Variants in HERC1 observed in about 807,000 individuals in gnomAD.
HERC1 encodes HECT and RLD domain containing E3 ubiquitin protein ligase family member 1, also known as probable E3 ubiquitin-protein ligase HERC1.
In HERC1, 160 loss-of-function variants were observed where a neutral mutation model predicts 554.3. The ratio of observed to expected loss-of-function variants is 0.29; its 90% CI spans 0.25 to 0.33. HERC1 has a LOEUF of 0.33. HERC1 is among the 10% of genes least tolerant of loss of function. HERC1 has a pLI of 1.00. For synonymous variants in HERC1, 2,175 were observed against 2,131.7 expected, an observed-to-expected ratio of 1.02 and a Z score of -0.56; for missense variants, 4,919 against 5,918.5, an observed-to-expected ratio of 0.83 and a Z score of 5.54.
intron 19 of HERC1, among the ~76,000 whole-genome samples, chr15:63,720,034 GA>G (rs1261769404): frequency 4.0e-5 from 6 of 149,156 alleles, no homozygotes; most frequent in African/African-American, 1.5e-4. Context: ...AAACAGAAAT[GA>G]AGACATGTAG....
intron 22 of HERC1, 155 bp from the exon 23 acceptor site, chr15:63,713,820 T>A: frequency 1.8e-6 from 1 of 567,016 alleles, no homozygotes; most frequent in Non-Finnish European, 3.1e-6. Flanking sequence ...TTAACTTAGT[T>A]AAAATTACAT....
intron 8 of HERC1, among the ~76,000 whole-genome samples, chr15:63,751,335 T>A (rs1400839226): frequency 6.6e-6 from 1 of 152,346 alleles, no homozygotes; most frequent in South Asian, 2.1e-4. Flanking sequence ...AGCAATAGGC[T>A]ATACCATATA....
At position 63,666,097 on chromosome 15, in the gene HERC1, T is replaced by A; in HGVS notation, c.8377A>T (p.Ile2793Leu). The A allele has an allele frequency of 6.2e-7, 1 of 1,614,034 alleles. No individual in the cohort carries two copies. The highest frequency in any genetic ancestry group is 8.5e-7 in the Non-Finnish European group (1 of 1,179,872). Residue 2793 changes from isoleucine (I) to leucine (L), a missense_variant, in exon 42 of 78, where the codon ATA (isoleucine) becomes TTA (leucine). Physicochemically the swap from Ile to Leu is conservative, Grantham distance 5. Coordinates refer to ENST00000443617, the MANE Select transcript of HERC1 (RefSeq NM_003922.4). ...QNITVLAMWM[I>L]EHPGHEDEEE... ...TCATCCTCATGCCCAGGGTGCTCTA[T>A]CATCCACATGGCAAGGACAGTGATA...
In HERC1 at chr15:63,775,211, G is replaced by C. The variant is rs1399607867; in HGVS notation, c.413C>G (p.Ser138Cys). The C allele has an allele frequency of 1.9e-6, 3 of 1,614,014 alleles. No homozygotes were observed. The highest frequency in any genetic ancestry group is 4.5e-5 in the East Asian group (2 of 44,882). The change falls in exon 2 of 78, where the codon TCT becomes TGT. Residue 138 changes from serine to cysteine, a missense_variant. This residue lies in a region of HERC1 where 744 missense variants were observed against 1,090.0 expected (regional missense o/e 0.68). Transcript: ENST00000443617. The surrounding 1 kb of genome is among the most constrained non-coding windows in gnomAD (Gnocchi z 4.0). ...KQQQHSPESSSGSADVHSVSE... is the reference protein window; with the variant it reads ...KQQQHSPESSCGSADVHSVSE... ...AACAGAATGGACATCTGCTGAACCAGAACTGCTCTCCGGAGAATGCTGCTG... is the reference window on the plus strand; with the variant it reads ...AACAGAATGGACATCTGCTGAACCACAACTGCTCTCCGGAGAATGCTGCTG...
In HERC1 at chr15:63,713,484, G is replaced by A. The variant is rs568211755; in HGVS notation, c.4332C>T (p.Ser1444=). 5.6e-6 allele frequency: 9 copies of A among 1,613,982 alleles called. No individual in the cohort carries two copies. The highest frequency in any genetic ancestry group is 2.7e-5 in the African/African-American group (2 of 75,042). Residue 1444 remains serine (S), a synonymous_variant, in exon 23 of 78, where the codon TCC becomes TCT. Transcript: ENST00000443617. ...TTAACAGGGCACACCGATGGATCAC[G>A]GAGTTGCATGCAGCAGTGTACACAT... The part of the protein sequence containing the change: ...GQDVYTAACN[S]VIHRCALLIL...
chr15:63,662,905 C>T, intron 44 of HERC1, 79 bp downstream of exon 44: 1 of 1,079,530 alleles, frequency 9.3e-7, no homozygotes, highest in East Asian at 2.5e-5. Context: ...CAACTCTAGG[C>T]AAGGCTGCTG....
At chr15:63,613,504 AAAAAGTCT>A (rs2067690107) in intron 76 of HERC1, among the ~76,000 whole-genome samples, 1 of 152,208 alleles carries the variant, frequency 6.6e-6, no homozygotes, top group African/African-American at 2.4e-5. Context: ...ACCACCATTT[AAAAAGTCT>A]AAGAATCTGA....
intron 53 of HERC1, among the ~76,000 whole-genome samples, chr15:63,650,277 G>A (rs541774667): frequency 7.9e-5 from 12 of 152,140 alleles, no homozygotes; most frequent in African/African-American, 1.9e-4. Context: ...ATGGTGGCAC[G>A]CGCCTGTAGT....
Position 63,680,027 on chromosome 15 carries a change from A to C in HERC1, c.6549+50T>G, listed in dbSNP as rs752500359. On this transcript the variant is annotated intron_variant, in intron 36 of 77. Transcript: ENST00000443617. The surrounding 1 kb of genome is among the most constrained non-coding windows in gnomAD (Gnocchi z 5.8). ...ATATTTATAAACTCTATCTGATGCTAAACAATAAAATAACAAATATTCTTA... is the reference window on the plus strand; with the variant it reads ...ATATTTATAAACTCTATCTGATGCTCAACAATAAAATAACAAATATTCTTA... 1.5e-6 allele frequency: 2 copies of C among 1,307,708 alleles called. No homozygotes were observed. Among genetic ancestry groups the C allele is most frequent in the Non-Finnish European group, 2.2e-6 (2 of 913,246 alleles). The allele number at this position is 1,307,708 out of a possible 1,614,324, so 81.0% of individuals were successfully genotyped here.
chr15:63,731,081 C>T (rs1392721489), intron 14 of HERC1, among the ~76,000 whole-genome samples: 2 of 152,114 alleles, frequency 1.3e-5, no homozygotes, highest in African/African-American at 4.8e-5. Flanking sequence ...AAATGTTTTA[C>T]ACATTTTCAT....
rs188663979 is a variant in HERC1, at chr15:63,814,148, T to C, written c.-27+19679A>G. Reference sequence around the variant, plus strand: ...TACAGAATTTGGAAAAGAGTATTTCTGTATATAAATAGACCTATTAAAAAT... The same window carrying C: ...TACAGAATTTGGAAAAGAGTATTTCCGTATATAAATAGACCTATTAAAAAT... On this transcript the variant is annotated intron_variant, in intron 1 of 77. Coordinates refer to ENST00000443617, the MANE Select transcript of HERC1 (RefSeq NM_003922.4). Among the ~76,000 whole-genome samples, 164 of 152,318 alleles carry C rather than the reference T, an allele frequency of 1.1e-3. 1 individual carries two copies. The highest frequency in any genetic ancestry group is 3.8e-3 in the African/African-American group (158 of 41,574).
chr15:63,741,010 A>ATT (rs1459444393), intron 12 of HERC1, among the ~76,000 whole-genome samples: 2 of 151,870 alleles, frequency 1.3e-5, no homozygotes, highest in East Asian at 3.9e-4. Flanking sequence ...GGTGATAAAG[A>ATT]TTTACATCTA....
intron 51 of HERC1, 130 bp downstream of exon 51, chr15:63,653,989 C>T: frequency 1.5e-6 from 1 of 674,580 alleles, no homozygotes; most frequent in Non-Finnish European, 2.6e-6. Context: ...TAATTGTGTG[C>T]ATGTGTATGT....
At chr15:63,707,642 A>T (rs1449991240) in intron 24 of HERC1, among the ~76,000 whole-genome samples, 1 of 152,158 alleles carries the variant, frequency 6.6e-6, no homozygotes, top group Non-Finnish European at 1.5e-5. Context: ...GAAGTGACAA[A>T]ACAAGGCCGG....
intron 48 of HERC1, among the ~76,000 whole-genome samples, chr15:63,656,583 T>C (rs1220044016): frequency 6.6e-6 from 1 of 152,202 alleles, no homozygotes; most frequent in Non-Finnish European, 1.5e-5. Context: ...GAAGTACAAT[T>C]GAACTGACAA....
At chr15:63,626,686 C>T (rs2068315194) in intron 70 of HERC1, among the ~76,000 whole-genome samples, 1 of 152,134 alleles carries the variant, frequency 6.6e-6, no homozygotes, top group Non-Finnish European at 1.5e-5. Context: ...CTGTAAGAAG[C>T]AAAGACTACA....
At position 63,661,817 on chromosome 15, in the gene HERC1, A is replaced by G; in HGVS notation, c.9106T>C (p.Cys3036Arg). ...CGSGNPYYLLCGTCREKYLAM... is the reference protein window; with the variant it reads ...CGSGNPYYLLRGTCREKYLAM... ...AAGTACTTCTCCCTGCAGGTGCCAC[A>G]TAACAGGTAGTACGGATTTCCACTC... Residue 3036 changes from cysteine (C) to arginine (R), a missense_variant, in exon 45 of 78, where the codon TGT becomes CGT. Physicochemically the swap from Cys to Arg is radical, Grantham distance 180. Around this residue, in one of 11 missense-constraint regions of HERC1, gnomAD observed 1,963 missense variants for 2,228.6 expected, o/e 0.88. Transcript: ENST00000443617. The G allele has an allele frequency of 6.2e-7, 1 of 1,614,046 alleles. No homozygotes were observed. Among genetic ancestry groups the G allele is most frequent in the Non-Finnish European group, 8.5e-7 (1 of 1,179,886 alleles).
At chr15:63,792,161 G>A (rs1391033572) in intron 1 of HERC1, among the ~76,000 whole-genome samples, 2 of 152,096 alleles carry the variant, frequency 1.3e-5, no homozygotes, top group African/African-American at 4.8e-5. Flanking sequence ...AGAGACCAGT[G>A]CAATTCAATA....
intron 1 of HERC1, among the ~76,000 whole-genome samples, chr15:63,798,313 T>C (rs2076871857): frequency 6.6e-6 from 1 of 152,200 alleles, no homozygotes; most frequent in African/African-American, 2.4e-5. Flanking sequence ...GACTACTCAG[T>C]GCTTAACCAG....
Sources: gnomAD v4.1 joint callset for allele counts (sites outside exome capture counted in the v4.1 genomes callset) on GRCh38, gnomAD v4.1.1 for gene constraint, gnomAD v4.1.1 regional missense constraint, Gnocchi (gnomAD v3.1) non-coding constraint, MANE v1.5 for transcripts, NCBI Gene and HGNC (gene_info 2026-07-23, HGNC 2026-07-21) for gene names.